The following MICU1 variants were observed in gnomAD, a reference collection of about 807,000 sequenced individuals.
MICU1 encodes mitochondrial calcium uptake 1.
In MICU1, 45 loss-of-function variants were observed where a neutral mutation model predicts 56.8. The observed-to-expected ratio is 0.79, with a 90% CI of 0.62 to 1.02. MICU1 has a LOEUF of 1.02. Among genes scored for constraint, MICU1 ranks in the 50% least tolerant of loss-of-function variants. MICU1 has a pLI of 0.00. For synonymous variants in MICU1, 186 were observed against 195.1 expected, an observed-to-expected ratio of 0.95 and a Z score of 0.39; for missense variants, 504 against 587.1, an observed-to-expected ratio of 0.86 and a Z score of 1.46.
intron 3 of MICU1, among the ~76,000 whole-genome samples, chr10:72,556,103 C>T (rs192428823): frequency 1.4e-4 from 21 of 152,170 alleles, no homozygotes; most frequent in East Asian, 9.7e-4. Context: ...ATCATGTGGC[C>T]GGCACACTCT....
At chr10:72,591,440 G>A (rs1841221657) in intron 1 of MICU1, among the ~76,000 whole-genome samples, 1 of 151,638 alleles carries the variant, frequency 6.6e-6, no homozygotes, top group African/African-American at 2.4e-5. Context: ...CCAAAAGCTG[G>A]TTATTTGAAA....
chr10:72,467,984 G>C (rs931375239), intron 8 of MICU1: 1 of 151,870 alleles, frequency 6.6e-6, no homozygotes, highest in African/African-American at 2.4e-5. Flanking sequence ...TATAGGCATG[G>C]GCCTCTACAT....
chr10:72,587,127 A>G (rs1305516953), intron 1 of MICU1, among the ~76,000 whole-genome samples: 1 of 152,218 alleles, frequency 6.6e-6, no homozygotes, highest in Non-Finnish European at 1.5e-5. Flanking sequence ...GAAGAGAACT[A>G]GCAATAGAGC....
At chr10:72,434,990 T>A (rs1422803771) in intron 8 of MICU1, among the ~76,000 whole-genome samples, 1 of 151,418 alleles carries the variant, frequency 6.6e-6, no homozygotes, top group African/African-American at 2.4e-5. Flanking sequence ...GAAAAGCTGT[T>A]AGGAAGTAAT....
chr10:72,495,985 G>A (rs1482853628), intron 6 of MICU1, among the ~76,000 whole-genome samples: 2 of 137,614 alleles, frequency 1.5e-5, no homozygotes, highest in Non-Finnish European at 3.1e-5. Flanking sequence ...TTTTTTTTTT[G>A]AGACAAGGTC....
chr10:72,546,334 T>A (rs2132433998), intron 4 of MICU1, among the ~76,000 whole-genome samples: 1 of 152,334 alleles, frequency 6.6e-6, no homozygotes, highest in South Asian at 2.1e-4. Flanking sequence ...CTGTACATAG[T>A]GAACTGTAAC....
chr10:72,386,481 C>T (rs1295098273), intron 10 of MICU1, among the ~76,000 whole-genome samples: 4 of 151,642 alleles, frequency 2.6e-5, no homozygotes, highest in Admixed American at 1.3e-4. Context: ...TGTGCCCGGA[C>T]AAGGGACTAT....
intron 1 of MICU1, among the ~76,000 whole-genome samples, chr10:72,569,206 CATATATAT>C (rs1211580394): frequency 3.7e-4 from 25 of 68,036 alleles, no homozygotes; most frequent in African/African-American, 1.0e-3. Flanking sequence ...CATATATATG[CATATATAT>C]ATATATATAT....
chr10:72,492,721 C>T (rs1866699407), intron 6 of MICU1, among the ~76,000 whole-genome samples: 2 of 149,678 alleles, frequency 1.3e-5, no homozygotes, highest in South Asian at 4.2e-4. Context: ...AGAGATCATG[C>T]CACTGCACTC....
chr10:72,489,125 C>T lies in MICU1; in HGVS notation c.653-11869G>A, dbSNP rs139908780. On this transcript the variant is annotated intron_variant, in intron 6 of 11. Coordinates refer to ENST00000361114, the MANE Select transcript of MICU1 (RefSeq NM_001195518.2). ...CCAACAAACCCCAACCCCATCTCTA[C>T]TAAAAGATACAAAAACTAGCTGGGC... 2.9e-3 allele frequency among the ~76,000 whole-genome samples: 437 copies of T among 152,000 alleles called. 2 individuals are homozygous for T. The highest frequency in any genetic ancestry group is 9.9e-3 in the African/African-American group (412 of 41,460).
intron 1 of MICU1, among the ~76,000 whole-genome samples, chr10:72,585,074 G>A (rs1009989960): frequency 2.0e-5 from 3 of 150,930 alleles, no homozygotes; most frequent in Non-Finnish European, 4.4e-5. Context: ...AAACATCTTT[G>A]GTTTTAGGTT....
chr10:72,375,859 C>A lies in MICU1; in HGVS notation c.1194G>T (p.Gln398His). The change falls in exon 11 of 12, where the codon CAG becomes CAT. Residue 398 changes from glutamine to histidine, a missense_variant. Coordinates refer to ENST00000361114, the MANE Select transcript of MICU1 (RefSeq NM_001195518.2). Reference sequence around the variant, plus strand: ...CCACTTTAGCCACTGTCCTGGCCACCTGCTGCATGGTCACTGAAAAAAGAA... The same window carrying A: ...CCACTTTAGCCACTGTCCTGGCCACATGCTGCATGGTCACTGAAAAAAGAA... ...GASLDKVTMQ[Q>H]VARTVAKVEL... is the part of the protein sequence containing the mutation. 1 of 1,613,200 alleles carries A rather than the reference C, an allele frequency of 6.2e-7. No homozygotes were observed. The highest frequency in any genetic ancestry group is 8.5e-7 in the Non-Finnish European group (1 of 1,179,612).
chr10:72,583,942 G>A (rs1005183717), intron 1 of MICU1, among the ~76,000 whole-genome samples: 3 of 152,192 alleles, frequency 2.0e-5, no homozygotes, highest in Admixed American at 6.5e-5. Flanking sequence ...TGAGAAGTGA[G>A]TATCTTCCAA....
At chr10:72,518,510 C>T (rs1867721146) in intron 5 of MICU1, among the ~76,000 whole-genome samples, 1 of 152,014 alleles carries the variant, frequency 6.6e-6, no homozygotes, top group Admixed American at 6.6e-5. Context: ...ATAGAACACA[C>T]TTCAATTCTA....
intron 6 of MICU1, among the ~76,000 whole-genome samples, chr10:72,486,462 A>T (rs1386103277): frequency 6.6e-6 from 1 of 152,034 alleles, no homozygotes; most frequent in Non-Finnish European, 1.5e-5. Context: ...ACCACAGTTC[A>T]ATTTGTTTTT....
intron 8 of MICU1, among the ~76,000 whole-genome samples, chr10:72,444,146 C>G (rs1389488456): frequency 1.3e-5 from 2 of 151,330 alleles, no homozygotes; most frequent in Admixed American, 6.6e-5. Flanking sequence ...ACCGCATATT[C>G]TCACTCATAG....
At chr10:72,492,589 T>G (rs534672202) in intron 6 of MICU1, among the ~76,000 whole-genome samples, 1 of 146,134 alleles carries the variant, frequency 6.8e-6, no homozygotes, top group African/African-American at 2.5e-5. Context: ...ATGGTGAAAC[T>G]CTGTCTCTAA....
At chr10:72,603,784 A>G (rs924196368) in intron 1 of MICU1, among the ~76,000 whole-genome samples, 23 of 152,224 alleles carry the variant, frequency 1.5e-4, no homozygotes, top group Non-Finnish European at 8.8e-5. Context: ...AGTCTGGGCA[A>G]CAAGAATGAA....
chr10:72,479,329 C>T (rs59440823), intron 6 of MICU1, among the ~76,000 whole-genome samples: 6,787 of 152,216 alleles, frequency 0.045, 415 homozygotes, highest in East Asian at 0.19. Flanking sequence ...CATGCTGACA[C>T]GATTTGACCT....
Sources: gnomAD v4.1 joint callset for allele counts (sites outside exome capture counted in the v4.1 genomes callset) on GRCh38, gnomAD v4.1.1 for gene constraint, MANE v1.5 for transcripts, NCBI Gene and HGNC (gene_info 2026-07-23, HGNC 2026-07-21) for gene names.